The following SCNN1B variants were observed in gnomAD, a reference collection of about 807,000 sequenced individuals.
SCNN1B encodes the protein epithelial sodium channel subunit beta.
Under a neutral mutation model 65.3 loss-of-function variants are expected in SCNN1B, and 46 were observed. The observed-to-expected ratio is 0.70, with a 90% CI of 0.56 to 0.90. The LOEUF is 0.90. Ranked by LOEUF, SCNN1B falls within the 40% of genes least tolerant of loss-of-function variation. The pLI, the probability that SCNN1B is intolerant of heterozygous loss-of-function variation, is 0.00. For missense variants in SCNN1B, 751 were observed against 830.5 expected (o/e 0.90, Z 1.18); for synonymous variants, 349 against 330.6 (o/e 1.06, Z -0.60).
Position 23,375,940 on chromosome 16 carries a change from C to A in SCNN1B, c.1270+85C>A, listed in dbSNP as rs1962885401. 5 of 968,196 alleles carry A rather than the reference C, an allele frequency of 5.2e-6. No homozygotes were observed. The Admixed American group carries it at 6.9e-5, about 13-fold the overall frequency. The allele number at this position is 968,196 out of a possible 1,614,324, so 60.0% of individuals were successfully genotyped here. ...ATAGAGGAGGAGGCAGAGCTCAGTG[C>A]CCTCAGCAGAGTCCAGAGATGTGCC... On this transcript the variant is annotated intron_variant, in intron 8 of 12. Coordinates refer to ENST00000343070, the MANE Select transcript of SCNN1B (RefSeq NM_000336.3).
In SCNN1B at chr16:23,371,926, G is replaced by A. The variant is rs2303157; in HGVS notation, c.1152+43G>A. 0.24 allele frequency: 330,255 copies of A among 1,400,234 alleles called. 38,933 individuals are homozygous for A. Among genetic ancestry groups the A allele is most frequent in the East Asian group, 0.34 (14,963 of 43,916 alleles). 86.7% of individuals were successfully genotyped at this position (1,400,234 alleles called of 1,614,324 possible). A position where few individuals can be genotyped will look rare whatever the true frequency, so the allele number is the denominator to read the frequency against. ...GCCTCATGCCCCGGGGCCCCTGTCCGGGTTTATGGGGCCAAGGCCTCAGTA... is the reference window on the plus strand; with the variant it reads ...GCCTCATGCCCCGGGGCCCCTGTCCAGGTTTATGGGGCCAAGGCCTCAGTA... On this transcript the variant is annotated intron_variant, in intron 7 of 12. Transcript: ENST00000343070.
At chr16:23,355,983 T>A (rs961771806) in intron 4 of SCNN1B, among the ~76,000 whole-genome samples, 4 of 152,042 alleles carry the variant, frequency 2.6e-5, no homozygotes, top group African/African-American at 9.7e-5. Context: ...TAAACAAGGA[T>A]GTGGTCTTAG....
intron 2 of SCNN1B, among the ~76,000 whole-genome samples, chr16:23,294,864 G>C (rs560605613): frequency 6.6e-6 from 1 of 151,730 alleles, no homozygotes; most frequent in Non-Finnish European, 1.5e-5. Flanking sequence ...ATGGTGGCGC[G>C]CGCCTGGAAT....
At chr16:23,283,417 TAAG>T (rs1395765510) in intron 1 of SCNN1B, among the ~76,000 whole-genome samples, 3 of 152,018 alleles carry the variant, frequency 2.0e-5, no homozygotes, top group Non-Finnish European at 4.4e-5. Flanking sequence ...TCTCCAAAAA[TAAG>T]AAGGACACTT....
At chr16:23,376,123 T>C (rs926969123) in intron 8 of SCNN1B, among the ~76,000 whole-genome samples, 1 of 152,256 alleles carries the variant, frequency 6.6e-6, no homozygotes, top group Non-Finnish European at 1.5e-5. Context: ...CCTGTGTCTG[T>C]GTGCCACACA....
chr16:23,292,433 G>A (rs925358067), intron 2 of SCNN1B, among the ~76,000 whole-genome samples: 15 of 151,862 alleles, frequency 9.9e-5, no homozygotes, highest in African/African-American at 1.7e-4. Flanking sequence ...TCCTGACCTC[G>A]TGATCCGCCC....
At chr16:23,319,861 G>A (rs1033465348) in intron 1 of SCNN1B, among the ~76,000 whole-genome samples, 1 of 151,998 alleles carries the variant, frequency 6.6e-6, no homozygotes, top group Non-Finnish European at 1.5e-5. Context: ...TCCGCTTCCT[G>A]GGTTCAGACA....
At chr16:23,365,563 GA>G (rs1567313584) in intron 4 of SCNN1B, among the ~76,000 whole-genome samples, 1 of 79,418 alleles carries the variant, frequency 1.3e-5, no homozygotes. Flanking sequence ...GAAAGAGAAA[GA>G]AAGAAAGAAA....
intron 10 of SCNN1B, among the ~76,000 whole-genome samples, chr16:23,378,405 G>A (rs1473265904): frequency 6.6e-6 from 1 of 152,190 alleles, no homozygotes; most frequent in African/African-American, 2.4e-5. Flanking sequence ...AGCCATCATG[G>A]GCAGAGCTGG....
chr16:23,341,354 T>C (rs938919725), intron 1 of SCNN1B, among the ~76,000 whole-genome samples: 4 of 152,140 alleles, frequency 2.6e-5, no homozygotes, highest in African/African-American at 9.7e-5. Flanking sequence ...TATAAAGTCC[T>C]TAGAGTAAAG....
intron 1 of SCNN1B, among the ~76,000 whole-genome samples, chr16:23,331,683 G>T (rs1358934351): frequency 2.0e-5 from 3 of 152,014 alleles, no homozygotes; most frequent in Non-Finnish European, 4.4e-5. Flanking sequence ...CCTCCCAAAG[G>T]CCAGCCTCAT....
At chr16:23,290,463 A>G (rs1960907193) in intron 2 of SCNN1B, among the ~76,000 whole-genome samples, 1 of 152,096 alleles carries the variant, frequency 6.6e-6, no homozygotes, top group Non-Finnish European at 1.5e-5. Context: ...GTGCACCACC[A>G]TGTCTAGCTA....
At chr16:23,305,571 T>TAAAA (rs1567290422) in intron 1 of SCNN1B, among the ~76,000 whole-genome samples, 3 of 33,668 alleles carry the variant, frequency 8.9e-5, no homozygotes, top group African/African-American at 4.2e-4. Flanking sequence ...TATATATATA[T>TAAAA]ATATATTATA....
chr16:23,366,996 T>G (rs1962682480), intron 4 of SCNN1B, among the ~76,000 whole-genome samples: 1 of 152,240 alleles, frequency 6.6e-6, no homozygotes, highest in Non-Finnish European at 1.5e-5. Flanking sequence ...CTGAGCCTTC[T>G]GGTGGGCCCA....
At chr16:23,279,139 C>T (rs1960749193) in intron 1 of SCNN1B, among the ~76,000 whole-genome samples, 1 of 151,714 alleles carries the variant, frequency 6.6e-6, no homozygotes, top group African/African-American at 2.4e-5. Flanking sequence ...TGCAGTGGAG[C>T]AATCTTGGCT....
chr16:23,292,734 G>T (rs1453886036), intron 2 of SCNN1B, among the ~76,000 whole-genome samples: 1 of 151,338 alleles, frequency 6.6e-6, no homozygotes, highest in African/African-American at 2.4e-5. Flanking sequence ...GAACTCCTGG[G>T]CTCAAGTGAT....
chr16:23,293,814 C>A (rs577513784), intron 2 of SCNN1B, among the ~76,000 whole-genome samples: 1 of 151,982 alleles, frequency 6.6e-6, no homozygotes, highest in South Asian at 2.1e-4. Context: ...TCCCCAACTA[C>A]TCAGGAGGCT....
At chr16:23,340,730 A>G (rs111901009) in intron 1 of SCNN1B, among the ~76,000 whole-genome samples, 138 of 152,216 alleles carry the variant, frequency 9.1e-4, no homozygotes, top group African/African-American at 3.2e-3. Context: ...TACCTTGGCA[A>G]ATTTGTAGGT....
chr16:23,319,403 G>T (rs1206853535), intron 1 of SCNN1B, among the ~76,000 whole-genome samples: 1 of 152,088 alleles, frequency 6.6e-6, no homozygotes, highest in Non-Finnish European at 1.5e-5. Context: ...TGCATACTAT[G>T]GCCCAAAGGC....
Sources: allele counts gnomAD v4.1 joint callset (sites outside exome capture counted in the v4.1 genomes callset), GRCh38; gene constraint gnomAD v4.1.1; transcripts MANE v1.5; gene names NCBI Gene and HGNC (gene_info 2026-07-23, HGNC 2026-07-21).